Variants in PCNX2 observed in about 807,000 individuals in gnomAD.
The protein encoded by PCNX2 is pecanex-like protein 2.
In PCNX2, 168 loss-of-function variants were observed where a neutral mutation model predicts 223.8. That is an observed-to-expected ratio of 0.75 (90% confidence interval 0.66 to 0.85). The LOEUF (loss-of-function observed/expected upper bound fraction) is 0.85. Ranked by LOEUF, PCNX2 falls within the 40% of genes least tolerant of loss-of-function variation. The pLI is 0.00. For synonymous variants in PCNX2, 1,006 were observed against 1,052.6 expected (o/e 0.96, Z 0.86); for missense variants, 2,507 against 2,675.5 (o/e 0.94, Z 1.39).
At chr1:233,326,129 A>G in the PCNX2 span, among the ~76,000 whole-genome samples, 3 of 152,208 alleles carry the variant, frequency 2.0e-5, no homozygotes, top group African/African-American at 7.2e-5. Flanking sequence ...TTAAGGTATA[A>G]ACATTCTTTA....
At position 233,054,479 on chromosome 1, in the gene PCNX2, A is replaced by T; in HGVS notation, c.4140T>A (p.Asn1380Lys). Reference sequence around the variant, plus strand: ...AAATGGAATTGAGATTGTTGTCATCATTCCCTAAAGGCAGACAAGAAATAT... The same window carrying T: ...AAATGGAATTGAGATTGTTGTCATCTTTCCCTAAAGGCAGACAAGAAATAT... ...LAVQIERDPG[N>K]DDNNLNSIFY... is the part of the protein sequence containing the mutation. Residue 1380 changes from asparagine to lysine, a missense_variant, in exon 25 of 34, where the codon AAT becomes AAA. By Grantham distance (94) the Asn-to-Lys change is moderately conservative (BLOSUM62 0). Around this residue, in one of 3 missense-constraint regions of PCNX2, gnomAD observed 1,372 missense variants for 1,509.4 expected, o/e 0.91. Coordinates refer to ENST00000258229, the MANE Select transcript of PCNX2 (RefSeq NM_014801.4). 1 of 1,611,166 alleles carries T rather than the reference A, an allele frequency of 6.2e-7. No homozygotes were observed. The highest frequency in any genetic ancestry group is 8.5e-7 in the Non-Finnish European group (1 of 1,177,622).
rs563487033 is a variant in PCNX2, at chr1:233,241,539, A to G, written c.2223-4559T>C. Among the ~76,000 whole-genome samples the G allele has an allele frequency of 1.4e-3, 218 of 152,330 alleles. 2 individuals carry two copies. Among genetic ancestry groups the G allele is most frequent in the African/African-American group, 4.9e-3 (205 of 41,580 alleles). ...GACATGGAAATTTGGGAGGGCAGAC[A>G]CTATTCCAAGGTAGACCCAGGTGAT... On this transcript the variant is annotated intron_variant, in intron 8 of 33. Coordinates refer to ENST00000258229, the MANE Select transcript of PCNX2 (RefSeq NM_014801.4).
At chr1:233,298,717 C>T (rs1420433804), upstream of PCNX2, among the ~76,000 whole-genome samples, 6 of 152,014 alleles carry the variant, frequency 3.9e-5, no homozygotes, top group Non-Finnish European at 7.4e-5. Context: ...GATGAAACCC[C>T]ATCTCTACTA....
chr1:233,252,802 C>T lies in PCNX2; in HGVS notation c.1835-14G>A, dbSNP rs1572155554. 1.9e-6 allele frequency: 3 copies of T among 1,580,216 alleles called. No individual in the cohort carries two copies. In the East Asian group the frequency reaches 6.8e-5, roughly 36 times the overall value. ...GGGAACAGTTATCTGAAAAACATTG[C>T]TTTACTTGTTAATTTAATATAAAAT... On this transcript the variant is annotated splice_polypyrimidine_tract_variant and intron_variant, in intron 5 of 33. Coordinates refer to ENST00000258229, the MANE Select transcript of PCNX2 (RefSeq NM_014801.4).
At chr1:233,145,705 C>A (rs752646723) in intron 19 of PCNX2, among the ~76,000 whole-genome samples, 9 of 152,210 alleles carry the variant, frequency 5.9e-5, no homozygotes, top group Middle Eastern at 3.4e-3. Flanking sequence ...GGAGGATTTA[C>A]CACTGACAGT....
chr1:233,055,452 C>T (rs907371942), intron 24 of PCNX2, among the ~76,000 whole-genome samples: 22 of 152,150 alleles, frequency 1.4e-4, no homozygotes, highest in South Asian at 4.2e-4. Context: ...ATTAGGAGTG[C>T]GTAGTGCATT....
intron 15 of PCNX2, 82 bp downstream of exon 15, chr1:233,198,857 T>C (rs1558334185): frequency 7.5e-7 from 1 of 1,334,228 alleles, no homozygotes; most frequent in Non-Finnish European, 1.0e-6. Context: ...CTTGTAATTT[T>C]GGAAAAAACA....
chr1:233,232,774 C>G (rs1332949220), intron 9 of PCNX2: 1 of 980,810 alleles, frequency 1.0e-6, no homozygotes, highest in Non-Finnish European at 1.2e-6. Context: ...GAATAACAGT[C>G]AGCCAGGCCT....
At chr1:233,250,700 T>C in intron 8 of PCNX2, 39 bp downstream of exon 8, 3 of 1,556,808 alleles carry the variant, frequency 1.9e-6, no homozygotes, top group African/African-American at 1.4e-5. Flanking sequence ...CTCCCAGCAA[T>C]GCAACAGCTC....
At chr1:233,247,661 G>A (rs954597722) in intron 8 of PCNX2, among the ~76,000 whole-genome samples, 3 of 152,032 alleles carry the variant, frequency 2.0e-5, no homozygotes, top group East Asian at 1.9e-4. Context: ...GGCGGATCAC[G>A]AGGTCAGGAG....
chr1:233,037,426 G>A (rs952526431), intron 25 of PCNX2, among the ~76,000 whole-genome samples: 3 of 152,192 alleles, frequency 2.0e-5, no homozygotes, highest in African/African-American at 7.2e-5. Flanking sequence ...AAACTCCTGG[G>A]TTAAAGTCAT....
At chr1:233,270,582 T>G (rs1660589616) in intron 1 of PCNX2, among the ~76,000 whole-genome samples, 2 of 152,218 alleles carry the variant, frequency 1.3e-5, no homozygotes, top group African/African-American at 4.8e-5. Flanking sequence ...TCAAAACATT[T>G]GACAGTTTCT....
rs142434018 is a variant in PCNX2, at chr1:233,114,695, G to A, written c.3838-18832C>T. On this transcript the variant is annotated intron_variant, in intron 21 of 33. Transcript: ENST00000258229. ...GCGGTCACAGAAAACTCTGGACTAC[G>A]GAGCGACAGGCGCATCCAGAAAGTC... Among the ~76,000 whole-genome samples the A allele has an allele frequency of 4.9e-3, 740 of 152,254 alleles. 7 individuals are homozygous for A. Among genetic ancestry groups the A allele is most frequent in the African/African-American group, 0.017 (686 of 41,544 alleles).
At position 233,258,119 on chromosome 1, in the gene PCNX2, G is replaced by C. The variant is rs754527911; in HGVS notation, c.1743C>G (p.Ser581=). ...TGGAAGTATTAATGGATTCTAACAG[G>C]GAGACAAATTCCAGGAAGTTGGACT... is the stretch of plus-strand genomic sequence containing the variant. ...PNESNFLEFV[S]LLESINTSKM... is the part of the protein sequence containing the mutation. The change falls in exon 5 of 34, where the codon TCC becomes TCG. Residue 581 remains serine, a synonymous_variant. Transcript: ENST00000258229. The C allele has an allele frequency of 1.2e-6, 2 of 1,613,820 alleles. No individual in the cohort carries two copies. Among genetic ancestry groups the C allele is most frequent in the South Asian group, 2.2e-5 (2 of 91,062 alleles).
chr1:233,195,589 C>T (rs1680680587), intron 15 of PCNX2, among the ~76,000 whole-genome samples: 1 of 152,158 alleles, frequency 6.6e-6, no homozygotes, highest in Non-Finnish European at 1.5e-5. Context: ...AGAACTAATA[C>T]ATTTGTTTAG....
chr1:233,021,273 A>T (rs1483485492), intron 26 of PCNX2, among the ~76,000 whole-genome samples: 1 of 152,180 alleles, frequency 6.6e-6, no homozygotes, highest in Non-Finnish European at 1.5e-5. Flanking sequence ...TCTGCCCAAA[A>T]ATCTCAGCCC....
chr1:233,256,920 C>T (rs888367701), intron 5 of PCNX2, among the ~76,000 whole-genome samples: 1 of 152,182 alleles, frequency 6.6e-6, no homozygotes, highest in Non-Finnish European at 1.5e-5. Context: ...CACTAAGAAA[C>T]GTTACTACCT....
chr1:233,289,268 G>A, intron 1 of PCNX2: 1 of 968,302 alleles, frequency 1.0e-6, no homozygotes, highest in Non-Finnish European at 1.7e-6. Context: ...CAAAGATTAT[G>A]ATAGCTTTCT....
intron 21 of PCNX2, among the ~76,000 whole-genome samples, chr1:233,121,679 T>G (rs1675803661): frequency 6.6e-6 from 1 of 152,202 alleles, no homozygotes; most frequent in African/African-American, 2.4e-5. Flanking sequence ...TGACAGATGG[T>G]AGAAGCTAAG....
Sources: allele counts gnomAD v4.1 joint callset (sites outside exome capture counted in the v4.1 genomes callset), GRCh38; gene constraint gnomAD v4.1.1; regional missense constraint gnomAD v4.1.1; transcripts MANE v1.5; gene names NCBI Gene and HGNC (gene_info 2026-07-23, HGNC 2026-07-21).